NRG1: variants seen among roughly 807,000 people sequenced by gnomAD.
NRG1 encodes the protein pro-neuregulin-1, membrane-bound isoform.
Under a neutral mutation model 63.8 loss-of-function variants are expected in NRG1, and 18 were observed. The ratio of observed to expected loss-of-function variants is 0.28; its 90% CI spans 0.19 to 0.42. NRG1 has a LOEUF of 0.42. NRG1 is among the 10% of genes least tolerant of loss of function. The pLI, the probability that NRG1 is intolerant of heterozygous loss-of-function variation, is 1.00. For synonymous variants in NRG1, 302 were observed against 301.3 expected, an observed-to-expected ratio of 1.00 and a Z score of -0.02; for missense variants, 762 against 814.7, an observed-to-expected ratio of 0.94 and a Z score of 0.79.
chr8:32,649,540 G>A (rs981625110), intron 5 of NRG1, among the ~76,000 whole-genome samples: 2 of 152,080 alleles, frequency 1.3e-5, no homozygotes, highest in Non-Finnish European at 2.9e-5. Context: ...TTTCTCTGAC[G>A]AAATGCCTCT....
At chr8:32,315,841 G>T (rs1024903106) in intron 1 of NRG1, among the ~76,000 whole-genome samples, 1 of 151,132 alleles carries the variant, frequency 6.6e-6, no homozygotes, top group African/African-American at 2.5e-5. Flanking sequence ...AAACACATAC[G>T]AAACAATTAA....
Position 32,609,662 on chromosome 8 carries a change from C to CT in NRG1, c.400+3997dup, listed in dbSNP as rs752378599. On this transcript the variant is annotated intron_variant, in intron 3 of 11. Coordinates refer to ENST00000356819, the Ensembl canonical transcript of NRG1. ...CTCTGTCTGTCTCTCTCTCTCTTTCCTTTTTTTTTTTTTTTTTTAAATGGT... is the reference window on the plus strand; with the variant it reads ...CTCTGTCTGTCTCTCTCTCTCTTTCCTTTTTTTTTTTTTTTTTTTAAATGGT... 4.7e-4 allele frequency among the ~76,000 whole-genome samples: 47 copies of CT among 99,512 alleles called. 1 individual carries two copies. The highest frequency in any genetic ancestry group is 8.6e-4 in the African/African-American group (22 of 25,688). 65.3% of individuals were successfully genotyped at this position (99,512 alleles called of 152,430 possible).
At chr8:32,083,715 A>C (rs1388671912) in intron 1 of NRG1, among the ~76,000 whole-genome samples, 1 of 152,196 alleles carries the variant, frequency 6.6e-6, no homozygotes, top group Non-Finnish European at 1.5e-5. Flanking sequence ...GTCAGCAACA[A>C]AATAATGGGA....
At chr8:31,745,490 G>A (rs904809977) in intron 1 of NRG1, among the ~76,000 whole-genome samples, 1 of 151,948 alleles carries the variant, frequency 6.6e-6, no homozygotes, top group African/African-American at 2.4e-5. Context: ...GTAGGACTTA[G>A]AAGAGACATC....
chr8:32,264,104 G>C (rs1006032928), intron 1 of NRG1, among the ~76,000 whole-genome samples: 1 of 151,932 alleles, frequency 6.6e-6, no homozygotes, highest in African/African-American at 2.4e-5. Context: ...AGGTAATAAA[G>C]GTTTGTTATT....
chr8:31,790,941 T>G (rs1261488506), intron 1 of NRG1, among the ~76,000 whole-genome samples: 1 of 152,066 alleles, frequency 6.6e-6, no homozygotes, highest in Non-Finnish European at 1.5e-5. Context: ...CTGGATGAGG[T>G]GGCTCACACC....
intron 1 of NRG1, among the ~76,000 whole-genome samples, chr8:32,231,992 C>G (rs796657040): frequency 3.9e-5 from 6 of 152,188 alleles, no homozygotes; most frequent in African/African-American, 1.4e-4. Flanking sequence ...CAGCCTCAAC[C>G]TCCCAGGCTC....
In NRG1 at chr8:32,039,047, T is replaced by G. The variant is rs1819519824; in HGVS notation, c.37+399616T>G. On this transcript the variant is annotated intron_variant, in intron 1 of 10. Transcript: ENST00000519301. ...GAACTGTATGGTTATATTCACAAAT[T>G]CTGGGATGTTTGTTTTGGCTTTGTG... 2.6e-5 allele frequency among the ~76,000 whole-genome samples: 4 copies of G among 152,174 alleles called. 1 individual carries two copies. In the South Asian group the frequency reaches 8.3e-4, roughly 32 times the overall value.
chr8:32,481,953 C>T (rs1825339279), intron 1 of NRG1, among the ~76,000 whole-genome samples: 2 of 152,186 alleles, frequency 1.3e-5, no homozygotes, highest in Non-Finnish European at 2.9e-5. Context: ...GTTCTAGCAA[C>T]AGTAAAATAC....
intron 1 of NRG1, among the ~76,000 whole-genome samples, chr8:31,765,403 TG>T (rs1817963821): frequency 6.6e-6 from 1 of 152,164 alleles, no homozygotes; most frequent in Non-Finnish European, 1.5e-5. Context: ...ATGCTTGCCT[TG>T]TTTCTGAGAA....
At chr8:32,072,592 A>G (rs1365459522) in intron 1 of NRG1, among the ~76,000 whole-genome samples, 1 of 152,210 alleles carries the variant, frequency 6.6e-6, no homozygotes, top group African/African-American at 2.4e-5. Flanking sequence ...ATTCATAGAT[A>G]AAAATAAATT....
chr8:32,729,640 A>G (rs1823136444), intron 6 of NRG1, among the ~76,000 whole-genome samples: 1 of 152,260 alleles, frequency 6.6e-6, no homozygotes, highest in Non-Finnish European at 1.5e-5. Context: ...GAAATAGTCA[A>G]CAAAGCCATG....
chr8:32,092,836 C>A (rs1829378440), intron 1 of NRG1, among the ~76,000 whole-genome samples: 1 of 152,104 alleles, frequency 6.6e-6, no homozygotes, highest in South Asian at 2.1e-4. Flanking sequence ...GCCAGAGATT[C>A]ACTAGATGCA....
intron 5 of NRG1, among the ~76,000 whole-genome samples, chr8:32,695,305 C>T (rs535871362): frequency 6.6e-6 from 1 of 151,658 alleles, no homozygotes; most frequent in African/African-American, 2.4e-5. Context: ...GGTGCCACTG[C>T]ACTCCAGCAT....
At chr8:32,265,824 C>A (rs1261799872) in intron 1 of NRG1, among the ~76,000 whole-genome samples, 1 of 151,946 alleles carries the variant, frequency 6.6e-6, no homozygotes, top group South Asian at 2.1e-4. Flanking sequence ...ACCTGGGTGA[C>A]AGAATGAGAC....
chr8:32,474,583 C>A (rs975548310), intron 1 of NRG1, among the ~76,000 whole-genome samples: 1 of 151,922 alleles, frequency 6.6e-6, no homozygotes, highest in Non-Finnish European at 1.5e-5. Flanking sequence ...ACCTCCGCCT[C>A]CCAGGTTCAA....
exon 3 of NRG1, chr8:32,605,608 G>A: frequency 6.2e-7 from 1 of 1,613,532 alleles, no homozygotes; most frequent in Non-Finnish European, 8.5e-7. Flanking sequence ...TGATTCTGGA[G>A]AGTATATGTG....
intron 6 of NRG1, among the ~76,000 whole-genome samples, chr8:32,734,305 G>A (rs903373169): frequency 2.0e-5 from 3 of 152,140 alleles, no homozygotes; most frequent in South Asian, 2.1e-4. Context: ...AAACAAGGGG[G>A]CAACGGTACA....
At chr8:31,724,618 T>C (rs1412998372) in intron 1 of NRG1, among the ~76,000 whole-genome samples, 1 of 151,480 alleles carries the variant, frequency 6.6e-6, no homozygotes, top group Non-Finnish European at 1.5e-5. Context: ...CATTTTTTTT[T>C]ATAAACCAAA....
Sources: allele counts gnomAD v4.1 joint callset (sites outside exome capture counted in the v4.1 genomes callset), GRCh38; gene constraint gnomAD v4.1.1; transcripts MANE v1.5; gene names NCBI Gene and HGNC (gene_info 2026-07-23, HGNC 2026-07-21).